MKKS: variants seen among roughly 807,000 people sequenced by gnomAD.
MKKS encodes the protein molecular chaperone MKKS.
In MKKS, 29 loss-of-function variants were observed where a neutral mutation model predicts 33.2. The ratio of observed to expected loss-of-function variants is 0.87; its 90% CI spans 0.65 to 1.19. The LOEUF is 1.19. MKKS is among the 50% of genes most tolerant of loss of function. The pLI is 0.00. For missense variants in MKKS, 661 were observed against 662.3 expected (o/e 1.00, Z 0.02); for synonymous variants, 260 against 244.0 (o/e 1.07, Z -0.61).
rs1230480736 is a variant in MKKS, at chr20:10,405,661, G to C, written c.1299C>G (p.Leu433=). Residue 433 remains leucine, a synonymous_variant, in exon 6 of 6, where the codon CTC becomes CTG. Coordinates refer to ENST00000347364, the MANE Select transcript of MKKS (RefSeq NM_170784.3). ...CTGTTTGAGTACATTCATCATCTTT[G>C]AGAATGCTTTCTGGGTCGTTGTGAG... is the stretch of plus-strand genomic sequence containing the variant. ...HKTHNDPESI[L]KDDECTQTEL... 1 of 1,613,982 alleles carries C rather than the reference G, an allele frequency of 6.2e-7. No homozygotes were observed. Among genetic ancestry groups the C allele is most frequent in the Non-Finnish European group, 8.5e-7 (1 of 1,179,900 alleles).
rs1460870072 is a variant in MKKS at position 10,412,672 on chromosome 20, C to G, written c.843G>C (p.Arg281Ser). 1 of 1,614,006 alleles carries G rather than the reference C, an allele frequency of 6.2e-7. No individual in the cohort carries two copies. Among genetic ancestry groups the G allele is most frequent in the African/African-American group, 1.3e-5 (1 of 74,908 alleles). Residue 281 changes from arginine (R) to serine (S), a missense_variant, in exon 3 of 6, where the codon AGG becomes AGC. Arg to Ser is a moderately radical substitution (Grantham distance 110). Coordinates refer to ENST00000347364, the MANE Select transcript of MKKS (RefSeq NM_170784.3). ...GATCTACGTGGTCACTGATTAGCTG[C>G]CTTCCTAGGTTAAGCAGCTGGTCCA... ...AVLDQLLNLG[R>S]QLISDHVDLV... is the part of the protein sequence containing the mutation.
In MKKS at chr20:10,412,754, T is replaced by A; in HGVS notation, c.761A>T (p.Asp254Val). The A allele has an allele frequency of 6.2e-7, 1 of 1,614,168 alleles. No homozygotes were observed. The highest frequency in any genetic ancestry group is 2.2e-5 in the East Asian group (1 of 44,884). The change falls in exon 3 of 6, where the codon GAC (aspartate) becomes GTC (valine). Residue 254 changes from aspartate to valine, a missense_variant. Transcript: ENST00000347364. ...GACCACCACAGTTCCTTCTCCAGTG[T>A]CAGAAGTGTCTCCGGATAAAGTTGT... ...FCTTLSGDTS[D>V]TGEGTVVVSY...
chr20:10,421,140 T>C (rs2064977497), intron 1 of MKKS, among the ~76,000 whole-genome samples: 1 of 152,194 alleles, frequency 6.6e-6, no homozygotes, highest in South Asian at 2.1e-4. Flanking sequence ...TTAAAAATTA[T>C]AATTACAGGC....
chr20:10,431,248 C>T (rs190000272), intron 1 of MKKS, among the ~76,000 whole-genome samples: 1 of 152,080 alleles, frequency 6.6e-6, no homozygotes, highest in African/African-American at 2.4e-5. Context: ...TGGGTTCCAA[C>T]TTATAAGGTG....
At chr20:10,411,276 G>A (rs1483757599) in intron 3 of MKKS, among the ~76,000 whole-genome samples, 2 of 151,724 alleles carry the variant, frequency 1.3e-5, no homozygotes, top group Non-Finnish European at 1.5e-5. Context: ...ATGAGCCACC[G>A]CCCAGCCCTT....
chr20:10,405,619 A>C lies in MKKS; in HGVS notation c.1341T>G (p.Ala447=), dbSNP rs1568662826. Reference sequence around the variant, plus strand: ...ATTCTAGGGCACTGCAAAATGCTTCAGCAATTAATTGAAGTTCTGTTTGAG... The same window carrying C: ...ATTCTAGGGCACTGCAAAATGCTTCCGCAATTAATTGAAGTTCTGTTTGAG... ...ECTQTELQLI[A]EAFCSALESV... Residue 447 remains alanine (A), a synonymous_variant, in exon 6 of 6, where the codon GCT becomes GCG. Transcript: ENST00000347364. 6.2e-7 allele frequency: 1 copy of C among 1,614,206 alleles called. No homozygotes were observed. Among genetic ancestry groups the C allele is most frequent in the East Asian group, 2.2e-5 (1 of 44,890 alleles).
At chr20:10,422,458 A>G (rs6131092) in intron 1 of MKKS, among the ~76,000 whole-genome samples, 21,732 of 152,030 alleles carry the variant, frequency 0.14, 1,744 homozygotes, top group East Asian at 0.24. Flanking sequence ...TTGGGAATTT[A>G]AGGGTACAAT....
At position 10,420,769 on chromosome 20, in the gene MKKS, G is replaced by T. The variant is rs1174104436; in HGVS notation, c.-648-11C>A. 2 of 152,136 alleles carry T rather than the reference G, an allele frequency of 1.3e-5. No homozygotes were observed. The allele number at this position is 152,136 out of a possible 1,614,324, so 9.4% of individuals were successfully genotyped here. A position where few individuals can be genotyped will look rare whatever the true frequency, so the allele number is the denominator to read the frequency against. The stretch of plus-strand genomic sequence containing the variant: ...TCAGCATCAGTGTACCTAAGAAAAG[G>T]TTACAGTTAGAGGAAAAAAACCACT... On this transcript the variant is annotated splice_polypyrimidine_tract_variant and intron_variant, in intron 1 of 5. Coordinates refer to ENST00000347364, the MANE Select transcript of MKKS (RefSeq NM_170784.3).
intron 1 of MKKS, among the ~76,000 whole-genome samples, chr20:10,429,956 A>C (rs781084419): frequency 6.6e-6 from 1 of 152,212 alleles, no homozygotes. Flanking sequence ...TCTGAAGCTA[A>C]AGTTTGAGAC....
chr20:10,412,757 G>A lies in MKKS; in HGVS notation c.758C>T (p.Ser253Phe), dbSNP rs1387609230. 10 of 1,614,172 alleles carry A rather than the reference G, an allele frequency of 6.2e-6. No homozygotes were observed. The highest frequency in any genetic ancestry group is 8.5e-6 in the Non-Finnish European group (10 of 1,180,026). Residue 253 changes from serine to phenylalanine, a missense_variant, in exon 3 of 6, where the codon TCT becomes TTT. Ser to Phe is a radical substitution (Grantham distance 155). Coordinates refer to ENST00000347364, the MANE Select transcript of MKKS (RefSeq NM_170784.3). Reference protein sequence around the residue: ...LFCTTLSGDTSDTGEGTVVVS... With the variant: ...LFCTTLSGDTFDTGEGTVVVS... ...CACCACAGTTCCTTCTCCAGTGTCA[G>A]AAGTGTCTCCGGATAAAGTTGTACA...
intron 1 of MKKS, among the ~76,000 whole-genome samples, chr20:10,433,043 G>A (rs36224654): frequency 6.6e-6 from 1 of 152,106 alleles, no homozygotes; most frequent in African/African-American, 2.4e-5. Context: ...AGTCTCTGTC[G>A]CCCAACCTGG....
intron 1 of MKKS, among the ~76,000 whole-genome samples, chr20:10,433,818 G>A (rs1429356752): frequency 1.3e-5 from 2 of 152,328 alleles, no homozygotes; most frequent in East Asian, 1.9e-4. Context: ...CGGCAGCGCA[G>A]GTGGGAGCGT....
intron 1 of MKKS, among the ~76,000 whole-genome samples, chr20:10,428,711 C>T (rs1380185084): frequency 3.3e-5 from 5 of 152,102 alleles, no homozygotes; most frequent in Admixed American, 6.5e-5. Flanking sequence ...GTGGTGGGTG[C>T]ACCTGTAATC....
At chr20:10,425,294 T>G (rs557642510) in intron 1 of MKKS, among the ~76,000 whole-genome samples, 5 of 152,324 alleles carry the variant, frequency 3.3e-5, no homozygotes, top group African/African-American at 1.2e-4. Context: ...ATAATGGCGA[T>G]ATCCTAATTT....
intron 4 of MKKS, among the ~76,000 whole-genome samples, 183 bp downstream of exon 4, chr20:10,408,445 C>T (rs2064858051): frequency 6.6e-6 from 1 of 152,208 alleles, no homozygotes; most frequent in Non-Finnish European, 1.5e-5. Context: ...AATGGCAACA[C>T]ATGCCAAATT....
chr20:10,413,555 G>A lies in MKKS; in HGVS notation c.-41C>T, dbSNP rs1373673747. 1.9e-6 allele frequency: 3 copies of A among 1,606,458 alleles called. No homozygotes were observed. On this transcript the variant is annotated 5_prime_UTR_variant, in exon 3 of 6. Transcript: ENST00000347364. ...AACTAGTGAAGACCGTTTTTATTTT[G>A]TAAACCACATTTTTCTATTTATTGC...
intron 2 of MKKS, among the ~76,000 whole-genome samples, chr20:10,420,112 C>T (rs1171192067): frequency 6.6e-6 from 1 of 151,618 alleles, no homozygotes; most frequent in Admixed American, 6.6e-5. Flanking sequence ...TCAAAAGTAA[C>T]AAATTATGGT....
In MKKS at chr20:10,402,729, A is replaced by G. The variant is rs1374831758; in HGVS notation, c.*2518T>C. ...GGACAATACCCAACTCCTATGTGAC[A>G]CATTGTAAACACATGTGATAAAGAA... On this transcript the variant is annotated 3_prime_UTR_variant, in exon 6 of 6. Transcript: ENST00000347364. 6.6e-6 allele frequency: 1 copy of G among 152,198 alleles called. No homozygotes were observed. The highest frequency in any genetic ancestry group is 1.5e-5 in the Non-Finnish European group (1 of 68,036). The allele number at this position is 152,198 out of a possible 1,614,324, so 9.4% of individuals were successfully genotyped here.
At chr20:10,414,888 A>G (rs1039972583) in intron 2 of MKKS, among the ~76,000 whole-genome samples, 4 of 152,166 alleles carry the variant, frequency 2.6e-5, no homozygotes, top group Non-Finnish European at 4.4e-5. Context: ...AATGATTTTC[A>G]GTTTTGGAAA....
Sources: gnomAD v4.1 joint callset for allele counts (sites outside exome capture counted in the v4.1 genomes callset) on GRCh38, gnomAD v4.1.1 for gene constraint, MANE v1.5 for transcripts, NCBI Gene and HGNC (gene_info 2026-07-23, HGNC 2026-07-21) for gene names.